SCMH1: variants seen among roughly 807,000 people sequenced by gnomAD.
The protein encoded by SCMH1 is Scm polycomb group protein homolog 1, also known as polycomb protein SCMH1.
In SCMH1, 37 loss-of-function variants were observed where a neutral mutation model predicts 70.8. The ratio of observed to expected loss-of-function variants is 0.52; its 90% CI spans 0.40 to 0.69. The LOEUF (loss-of-function observed/expected upper bound fraction) is 0.69, where lower values mean the gene tolerates loss of function less well. Among genes scored for constraint, SCMH1 ranks in the 30% least tolerant of loss-of-function variants. The pLI is 0.00. For missense variants in SCMH1, 607 were observed against 827.3 expected, an observed-to-expected ratio of 0.73 and a Z score of 3.27; for synonymous variants, 292 against 307.4, an observed-to-expected ratio of 0.95 and a Z score of 0.52.
Position 41,242,020 on chromosome 1 carries a change from G to C in SCMH1, c.-118+39C>G, listed in dbSNP as rs1318006772. ...GGCCCCAGGCGGCCCCTCAGGGCACGAGCTCTTAGGCGGGCGGAGGCGGCC... is the reference window on the plus strand; with the variant it reads ...GGCCCCAGGCGGCCCCTCAGGGCACCAGCTCTTAGGCGGGCGGAGGCGGCC... On this transcript the variant is annotated intron_variant, in intron 1 of 14. Transcript: ENST00000337495. The surrounding 1 kb of genome is among the most constrained non-coding windows in gnomAD (Gnocchi z 5.2). 6.6e-6 allele frequency: 1 copy of C among 152,390 alleles called. No individual in the cohort carries two copies. The highest frequency in any genetic ancestry group is 1.9e-4 in the East Asian group (1 of 5,174). The allele number at this position is 152,390 out of a possible 1,614,324, so 9.4% of individuals were successfully genotyped here. A position where few individuals can be genotyped will look rare whatever the true frequency, so the allele number is the denominator to read the frequency against.
chr1:41,194,657 T>C (rs1265749041), intron 1 of SCMH1, among the ~76,000 whole-genome samples: 2 of 152,180 alleles, frequency 1.3e-5, no homozygotes, highest in African/African-American at 2.4e-5. Flanking sequence ...ATAGGTAAAC[T>C]AGAATGTTAA....
At chr1:41,062,898 G>A in intron 10 of SCMH1, among the ~76,000 whole-genome samples, 1 of 131,690 alleles carries the variant, frequency 7.6e-6, no homozygotes, top group Admixed American at 8.3e-5. Context: ...CAGCCTGGGT[G>A]ACAGTGTGAG....
Position 41,160,870 on chromosome 1 carries a change from C to G in SCMH1, c.106+5G>C. On this transcript the variant is annotated splice_donor_5th_base_variant and intron_variant, in intron 4 of 14. Transcript: ENST00000337495. The stretch of plus-strand genomic sequence containing the variant: ...TTTAACAGAAACACAAGAAAAATAG[C>G]TTACCTAGATCCAGGATGTCAGCAG... 1 of 1,550,036 alleles carries G rather than the reference C, an allele frequency of 6.5e-7. No individual in the cohort carries two copies. The highest frequency in any genetic ancestry group is 8.7e-7 in the Non-Finnish European group (1 of 1,146,572).
chr1:41,131,118 G>A (rs1378938474), intron 6 of SCMH1, among the ~76,000 whole-genome samples: 1 of 152,074 alleles, frequency 6.6e-6, no homozygotes, highest in Admixed American at 6.6e-5. Flanking sequence ...TTTTTTCTAT[G>A]TGAATATCCA....
chr1:41,209,850 A>T (rs1004756288), intron 1 of SCMH1, among the ~76,000 whole-genome samples: 1 of 152,274 alleles, frequency 6.6e-6, no homozygotes, highest in Non-Finnish European at 1.5e-5. Flanking sequence ...TAGTGTTGGA[A>T]GTTCTGGCCA....
In SCMH1 at chr1:41,069,414, G is replaced by A. The variant is rs147546392; in HGVS notation, c.1105+1181C>T. On this transcript the variant is annotated intron_variant, in intron 10 of 14. Coordinates refer to ENST00000337495, the Ensembl canonical transcript of SCMH1. Reference sequence around the variant, plus strand: ...TTAAATTGAAAGTGATTGCCCCTGGGGAATAGTAATTGACAGGGGGATACG... The same window carrying A: ...TTAAATTGAAAGTGATTGCCCCTGGAGAATAGTAATTGACAGGGGGATACG... Among the ~76,000 whole-genome samples the A allele has an allele frequency of 5.3e-5, 8 of 152,226 alleles. No homozygotes were observed. In the East Asian group the frequency reaches 1.5e-3, roughly 29 times the overall value.
chr1:41,195,843 A>G (rs1253630107), intron 1 of SCMH1, among the ~76,000 whole-genome samples: 1 of 152,198 alleles, frequency 6.6e-6, no homozygotes, highest in Non-Finnish European at 1.5e-5. Context: ...AAGCTATTAG[A>G]GCTAATAAAT....
At chr1:41,125,728 C>T (rs771181193) in intron 6 of SCMH1, among the ~76,000 whole-genome samples, 15 of 150,536 alleles carry the variant, frequency 1.0e-4, no homozygotes, top group Non-Finnish European at 1.8e-4. Flanking sequence ...TGCGTGACAC[C>T]ATGTCCAGCT....
chr1:41,093,290 G>A (rs964963524), intron 8 of SCMH1, among the ~76,000 whole-genome samples: 23 of 149,242 alleles, frequency 1.5e-4, no homozygotes, highest in Admixed American at 2.0e-4. Flanking sequence ...ACTAAACACC[G>A]CATGTTCTCA....
chr1:41,118,369 G>A (rs964919944), intron 6 of SCMH1, among the ~76,000 whole-genome samples: 26 of 152,070 alleles, frequency 1.7e-4, no homozygotes, highest in African/African-American at 3.9e-4. Flanking sequence ...TAGGATTAAC[G>A]AATACTTAGA....
intron 8 of SCMH1, among the ~76,000 whole-genome samples, chr1:41,111,111 CTTA>C (rs1489278468): frequency 6.6e-6 from 1 of 152,128 alleles, no homozygotes. Flanking sequence ...AAATCCTTTC[CTTA>C]TTTTTAAATT....
intron 1 of SCMH1, among the ~76,000 whole-genome samples, chr1:41,206,523 C>T (rs1441298903): frequency 6.6e-6 from 1 of 152,120 alleles, no homozygotes; most frequent in Non-Finnish European, 1.5e-5. Context: ...ATGAACAAAA[C>T]CTCCAATAAA....
chr1:41,117,650 A>G (rs1670853441), intron 6 of SCMH1, among the ~76,000 whole-genome samples: 1 of 152,186 alleles, frequency 6.6e-6, no homozygotes, highest in African/African-American at 2.4e-5. Context: ...GTTCGCCTTC[A>G]TGTTCCATCC....
At chr1:41,223,511 A>ATCTT (rs1340135683) in intron 1 of SCMH1, among the ~76,000 whole-genome samples, 1 of 149,958 alleles carries the variant, frequency 6.7e-6, no homozygotes, top group Non-Finnish European at 1.5e-5. Context: ...TCGTAATTTT[A>ATCTT]TCTTTTTTTT....
At chr1:41,151,636 G>A in exon 5 of SCMH1, 2 of 1,612,168 alleles carry the variant, frequency 1.2e-6, no homozygotes, top group East Asian at 2.2e-5. Flanking sequence ...ATGGACAGGC[G>A]CTGGGACTGA....
intron 4 of SCMH1, among the ~76,000 whole-genome samples, chr1:41,154,863 C>T (rs996147217): frequency 7.2e-5 from 11 of 152,202 alleles, no homozygotes; most frequent in Non-Finnish European, 1.3e-4. Context: ...TCAACAGATA[C>T]TTATTAACTA....
intron 1 of SCMH1, among the ~76,000 whole-genome samples, chr1:41,227,651 G>T (rs960433788): frequency 6.6e-6 from 1 of 152,162 alleles, no homozygotes; most frequent in Non-Finnish European, 1.5e-5. Context: ...TATGTCACAA[G>T]TGGTAAAGAA....
At chr1:41,032,610 A>G (rs1253717913) in intron 13 of SCMH1, among the ~76,000 whole-genome samples, 1 of 152,164 alleles carries the variant, frequency 6.6e-6, no homozygotes, top group East Asian at 1.9e-4. Flanking sequence ...ACATGAACCA[A>G]CTTGCAATAA....
Position 41,062,240 on chromosome 1 carries a change from C to A in SCMH1, c.1105+8355G>T, listed in dbSNP as rs570590788. Among the ~76,000 whole-genome samples the A allele has an allele frequency of 2.6e-5, 4 of 152,146 alleles. No individual in the cohort carries two copies. The South Asian group carries it at 8.3e-4, about 32-fold the overall frequency. Reference sequence around the variant, plus strand: ...ACAGAATGATACATGAAAAAAATCACCAGAGATTCAACAATGCACTTCTAA... The same window carrying A: ...ACAGAATGATACATGAAAAAAATCAACAGAGATTCAACAATGCACTTCTAA... On this transcript the variant is annotated intron_variant, in intron 10 of 14. Transcript: ENST00000337495.
Sources: allele counts gnomAD v4.1 joint callset (sites outside exome capture counted in the v4.1 genomes callset), GRCh38; gene constraint gnomAD v4.1.1; non-coding constraint Gnocchi (gnomAD v3.1); transcripts MANE v1.5; gene names NCBI Gene and HGNC (gene_info 2026-07-23, HGNC 2026-07-21).